Variants in GPC5 observed in about 807,000 individuals in gnomAD.
GPC5 encodes glypican-5.
Under a neutral mutation model 53.9 loss-of-function variants are expected in GPC5, and 47 were observed. The ratio of observed to expected loss-of-function variants is 0.87; its 90% CI spans 0.69 to 1.11. The LOEUF is 1.11. Among genes scored for constraint, GPC5 ranks in the 50% most tolerant of loss-of-function variants. The pLI, the probability that GPC5 is intolerant of heterozygous loss-of-function variation, is 0.00. For synonymous variants in GPC5, 286 were observed against 263.3 expected, an observed-to-expected ratio of 1.09 and a Z score of -0.84; for missense variants, 748 against 713.1, an observed-to-expected ratio of 1.05 and a Z score of -0.56.
rs566331248 is a variant in GPC5, at chr13:92,182,755, G to T, written c.1561+37766G>T. ...GCGGTGGTGGGCGCCTGCAGTCCCA[G>T]CTTCTAGGGAGGCTGAGGCGGGAGA... is the stretch of plus-strand genomic sequence containing the variant. On this transcript the variant is annotated intron_variant, in intron 7 of 7. Coordinates refer to ENST00000377067, the MANE Select transcript of GPC5 (RefSeq NM_004466.6). Among the ~76,000 whole-genome samples, 7 of 152,094 alleles carry T rather than the reference G, an allele frequency of 4.6e-5. No individual in the cohort carries two copies. In the East Asian group the frequency reaches 1.4e-3, roughly 29 times the overall value.
intron 2 of GPC5, among the ~76,000 whole-genome samples, chr13:91,586,563 TAGAGAGAGAGAGAGAG>T (rs3055914): frequency 2.1e-4 from 9 of 41,976 alleles, no homozygotes; most frequent in Non-Finnish European, 3.9e-4. Context: ...TATATATATG[TAGAGAGAGAGAGAGAG>T]AGAGAGAGAG....
At chr13:92,444,715 TAAAAAAAAAAAAAAA>T (rs71910602) in intron 7 of GPC5, among the ~76,000 whole-genome samples, 16 of 84,224 alleles carry the variant, frequency 1.9e-4, no homozygotes, top group Non-Finnish European at 3.4e-4. Context: ...TCCTGAAATC[TAAAAAAAAAAAAAAA>T]AAAAAAAAAA....
At chr13:91,683,617 G>T (rs1025337384) in intron 2 of GPC5, among the ~76,000 whole-genome samples, 2 of 152,064 alleles carry the variant, frequency 1.3e-5, no homozygotes, top group African/African-American at 4.8e-5. Flanking sequence ...TTTATTACCT[G>T]ACTCTTTCTC....
intron 7 of GPC5, among the ~76,000 whole-genome samples, chr13:92,571,571 A>G (rs1883022741): frequency 6.6e-6 from 1 of 152,116 alleles, no homozygotes; most frequent in South Asian, 2.1e-4. Context: ...TGGAATATCC[A>G]TTATTTCAAG....
chr13:92,660,567 CAT>C (rs906874224), intron 7 of GPC5, among the ~76,000 whole-genome samples: 6 of 140,752 alleles, frequency 4.3e-5, no homozygotes, highest in Admixed American at 1.4e-4. Flanking sequence ...TCTCTTTTCA[CAT>C]ATTTTTTTTT....
At chr13:92,156,924 T>C (rs1045389024) in intron 7 of GPC5, among the ~76,000 whole-genome samples, 11 of 152,066 alleles carry the variant, frequency 7.2e-5, no homozygotes. Context: ...CTCCAATTTG[T>C]CTTTCTGCTG....
chr13:92,110,912 T>C (rs1279289227), intron 6 of GPC5, among the ~76,000 whole-genome samples: 1 of 152,210 alleles, frequency 6.6e-6, no homozygotes, highest in African/African-American at 2.4e-5. Context: ...AGAATCATCA[T>C]GATAATATAT....
chr13:92,145,891 GAGA>G (rs2041863613), intron 7 of GPC5, among the ~76,000 whole-genome samples: 1 of 152,120 alleles, frequency 6.6e-6, no homozygotes, highest in Non-Finnish European at 1.5e-5. Flanking sequence ...CTTTTGGTGG[GAGA>G]AGAATTCATT....
At chr13:92,736,506 T>A (rs1888939218) in intron 7 of GPC5, among the ~76,000 whole-genome samples, 2 of 151,860 alleles carry the variant, frequency 1.3e-5, no homozygotes. Flanking sequence ...CATAATCTCA[T>A]GCCTCCTCCT....
intron 3 of GPC5, among the ~76,000 whole-genome samples, chr13:91,695,673 C>A (rs113121987): frequency 4.6e-5 from 7 of 152,048 alleles, no homozygotes; most frequent in African/African-American, 1.4e-4. Flanking sequence ...CTGAGCCGGA[C>A]CAAAATGCTC....
chr13:91,738,494 C>A (rs572716229), intron 4 of GPC5, among the ~76,000 whole-genome samples: 1 of 151,328 alleles, frequency 6.6e-6, no homozygotes, highest in South Asian at 2.1e-4. Context: ...AATATTTAAT[C>A]CTTTTGTATA....
chr13:91,473,342 G>A (rs763836384), intron 2 of GPC5, among the ~76,000 whole-genome samples: 4 of 151,980 alleles, frequency 2.6e-5, no homozygotes, highest in African/African-American at 4.8e-5. Flanking sequence ...GGAAGCTAAT[G>A]AATAATTACA....
At chr13:92,166,947 C>CTCTCTCTA (rs1555315976) in intron 7 of GPC5, among the ~76,000 whole-genome samples, 1,097 of 59,828 alleles carry the variant, frequency 0.018, 15 homozygotes, top group South Asian at 0.14. Context: ...CTCTCTCTCT[C>CTCTCTCTA]TCTCTCTCTC....
In GPC5 at chr13:91,736,819, C is replaced by A. The variant is rs1424339945; in HGVS notation, c.1154+8154C>A. ...TCATGAATGAGAGAATCCTCTATTC[C>A]AGAAAATGGAATGAGAACTCCCACT... On this transcript the variant is annotated intron_variant, in intron 4 of 7. Transcript: ENST00000377067. Among the ~76,000 whole-genome samples the A allele has an allele frequency of 2.0e-5, 3 of 150,946 alleles. No homozygotes were observed. The East Asian group carries it at 5.8e-4, about 29-fold the overall frequency.
intron 2 of GPC5, among the ~76,000 whole-genome samples, chr13:91,452,634 A>C (rs1412346081): frequency 1.3e-5 from 2 of 152,090 alleles, no homozygotes; most frequent in Non-Finnish European, 2.9e-5. Context: ...TATACATGAC[A>C]GTATGGTGTG....
intron 7 of GPC5, among the ~76,000 whole-genome samples, chr13:92,458,392 G>A (rs1026155657): frequency 2.0e-5 from 3 of 151,912 alleles, no homozygotes; most frequent in South Asian, 2.1e-4. Flanking sequence ...TCCACATCCC[G>A]GGTTTAAGAT....
At chr13:92,240,147 G>A (rs2042600975) in intron 7 of GPC5, 2 of 152,002 alleles carry the variant, frequency 1.3e-5, no homozygotes. Context: ...TAATACTGAT[G>A]TTGTAGATTA....
At chr13:92,510,740 T>G (rs1402965665) in intron 7 of GPC5, among the ~76,000 whole-genome samples, 1 of 152,234 alleles carries the variant, frequency 6.6e-6, no homozygotes, top group African/African-American at 2.4e-5. Context: ...TGGCTTATGC[T>G]GATTTTCCAC....
chr13:92,099,559 G>A (rs1387417762), intron 6 of GPC5, among the ~76,000 whole-genome samples: 3 of 152,072 alleles, frequency 2.0e-5, no homozygotes, highest in Non-Finnish European at 4.4e-5. Flanking sequence ...GTGCCCTCTT[G>A]TTTTCTTGAT....
Sources: allele counts gnomAD v4.1 joint callset (sites outside exome capture counted in the v4.1 genomes callset), GRCh38; gene constraint gnomAD v4.1.1; transcripts MANE v1.5; gene names NCBI Gene and HGNC (gene_info 2026-07-23, HGNC 2026-07-21).